Variants in PIK3C3 observed in about 807,000 individuals in gnomAD.
The protein encoded by PIK3C3 is phosphatidylinositol 3-kinase catalytic subunit type 3, also known as PI3-kinase type 3.
A neutral mutation model predicts 126.1 loss-of-function variants in PIK3C3; 95 were observed. The ratio of observed to expected loss-of-function variants is 0.75; its 90% CI spans 0.64 to 0.89. The LOEUF (loss-of-function observed/expected upper bound fraction) is 0.89, where lower values mean the gene tolerates loss of function less well. PIK3C3 is among the 40% of genes least tolerant of loss of function. PIK3C3 has a pLI of 0.00. For synonymous variants in PIK3C3, 374 were observed against 360.0 expected (o/e 1.04, Z -0.44); for missense variants, 829 against 1,063.2 (o/e 0.78, Z 3.06).
chr18:42,069,056 T>A (rs1370495701), intron 24 of PIK3C3, among the ~76,000 whole-genome samples: 1 of 152,104 alleles, frequency 6.6e-6, no homozygotes, highest in Admixed American at 6.6e-5. Flanking sequence ...AGTAGTGCAA[T>A]GCCTTATATA....
intron 19 of PIK3C3, among the ~76,000 whole-genome samples, chr18:42,042,103 C>T (rs1311179216): frequency 6.6e-6 from 1 of 152,178 alleles, no homozygotes; most frequent in African/African-American, 2.4e-5. Flanking sequence ...CACTTTCCTT[C>T]TGGGAGTCTG....
chr18:42,028,726 A>C (rs1166598250), intron 14 of PIK3C3, among the ~76,000 whole-genome samples: 1 of 152,168 alleles, frequency 6.6e-6, no homozygotes, highest in East Asian at 1.9e-4. Flanking sequence ...CTTTGAAATG[A>C]GGTTGATAAC....
rs147437649 is a variant in PIK3C3 at position 42,072,753 on chromosome 18, C to A, written c.2649+5240C>A. On this transcript the variant is annotated intron_variant, in intron 24 of 24. Coordinates refer to ENST00000262039, the MANE Select transcript of PIK3C3 (RefSeq NM_002647.4). ...GTCCGACTATGTTGCCCAAGCGGTT[C>A]TCAAACTCCTGGCCTCAAGCAATCC... Among the ~76,000 whole-genome samples the A allele has an allele frequency of 8.2e-3, 1,253 of 152,204 alleles. 15 individuals are homozygous for A. The highest frequency in any genetic ancestry group is 0.011 in the Non-Finnish European group (738 of 68,008).
rs188033909 is a variant in PIK3C3, at chr18:41,997,965, C to T, written c.984+1235C>T. On this transcript the variant is annotated intron_variant, in intron 9 of 24. Coordinates refer to ENST00000262039, the MANE Select transcript of PIK3C3 (RefSeq NM_002647.4). Reference sequence around the variant, plus strand: ...GGAAAATTAATATCTGTTCAGGAAGCTGTTACATATTTATTTGAGAATGAA... The same window carrying T: ...GGAAAATTAATATCTGTTCAGGAAGTTGTTACATATTTATTTGAGAATGAA... 3.2e-3 allele frequency among the ~76,000 whole-genome samples: 493 copies of T among 152,200 alleles called. 1 individual carries two copies. The highest frequency in any genetic ancestry group is 0.011 in the African/African-American group (466 of 41,548).
chr18:42,081,367 G>A lies in PIK3C3; in HGVS notation c.*230G>A. 1 of 396,330 alleles carries A rather than the reference G, an allele frequency of 2.5e-6. No homozygotes were observed. Among genetic ancestry groups the A allele is most frequent in the Non-Finnish European group, 4.6e-6 (1 of 219,298 alleles). The allele number at this position is 396,330 out of a possible 1,614,324, so 24.6% of individuals were successfully genotyped here. A position where few individuals can be genotyped will look rare whatever the true frequency, so the allele number is the denominator to read the frequency against. Reference sequence around the variant, plus strand: ...AAATATTGTATATATTTTTTCAAATGTATACATTGTTAATAAATTAAGAAA... The same window carrying A: ...AAATATTGTATATATTTTTTCAAATATATACATTGTTAATAAATTAAGAAA... On this transcript the variant is annotated 3_prime_UTR_variant, in exon 25 of 25. Coordinates refer to ENST00000262039, the MANE Select transcript of PIK3C3 (RefSeq NM_002647.4).
intron 18 of PIK3C3, among the ~76,000 whole-genome samples, chr18:42,040,253 C>T (rs1984250159): frequency 6.8e-6 from 1 of 147,086 alleles, no homozygotes; most frequent in South Asian, 2.1e-4. Flanking sequence ...GGAGCCATTA[C>T]ATAACAGTTT....
chr18:42,004,294 A>T lies in PIK3C3; in HGVS notation c.985-62A>T. On this transcript the variant is annotated intron_variant, in intron 9 of 24. Transcript: ENST00000262039. Reference sequence around the variant, plus strand: ...ATTAGGACCTAGTGGAACTCTGCCTAGTCAACTTCTCTATCCCAGGAAATA... The same window carrying T: ...ATTAGGACCTAGTGGAACTCTGCCTTGTCAACTTCTCTATCCCAGGAAATA... The T allele has an allele frequency of 3.9e-6, 5 of 1,288,042 alleles. No homozygotes were observed. In the South Asian group the frequency reaches 5.2e-5, roughly 13 times the overall value. The allele number at this position is 1,288,042 out of a possible 1,614,324, so 79.8% of individuals were successfully genotyped here.
At chr18:42,019,536 C>T (rs905961748) in intron 12 of PIK3C3, among the ~76,000 whole-genome samples, 2 of 152,080 alleles carry the variant, frequency 1.3e-5, no homozygotes, top group African/African-American at 4.8e-5. Flanking sequence ...TTAGGTGATA[C>T]TGTATATCTC....
At chr18:41,961,989 C>A (rs1017151794) in intron 2 of PIK3C3, among the ~76,000 whole-genome samples, 1 of 152,106 alleles carries the variant, frequency 6.6e-6, no homozygotes, top group Non-Finnish European at 1.5e-5. Flanking sequence ...ACATATCTGT[C>A]TGGAGCAGTC....
intron 24 of PIK3C3, among the ~76,000 whole-genome samples, chr18:42,068,729 T>C (rs187376860): frequency 6.4e-4 from 98 of 152,100 alleles, no homozygotes; most frequent in African/African-American, 2.3e-3. Flanking sequence ...GGAGGGTGTA[T>C]CACGAGATCA....
chr18:41,970,283 C>T, intron 3 of PIK3C3, 44 bp from the exon 4 acceptor site: 1 of 1,563,144 alleles, frequency 6.4e-7, no homozygotes, highest in Non-Finnish European at 8.8e-7. Context: ...CTGTAATGAA[C>T]TGTATTAATT....
chr18:42,065,769 A>G (rs556019157), intron 23 of PIK3C3, among the ~76,000 whole-genome samples: 37 of 152,310 alleles, frequency 2.4e-4, no homozygotes, highest in Admixed American at 3.9e-4. Context: ...TAAGTATTAG[A>G]ACAATTAGTG....
chr18:42,080,244 A>G (rs1986200738), intron 24 of PIK3C3, among the ~76,000 whole-genome samples: 1 of 152,124 alleles, frequency 6.6e-6, no homozygotes, highest in Admixed American at 6.5e-5. Flanking sequence ...AAATTACATT[A>G]TTTTTATTCA....
At position 41,959,367 on chromosome 18, in the gene PIK3C3, A is replaced by G. The variant is rs1479916054; in HGVS notation, c.257+1609A>G. On this transcript the variant is annotated intron_variant, in intron 2 of 24. Transcript: ENST00000262039. ...TTATATTATATGTTTGCAAGAATAT[A>G]AAAACTTCCATGTTTGATCTCTAAA... 2.6e-5 allele frequency among the ~76,000 whole-genome samples: 4 copies of G among 152,316 alleles called. No homozygotes were observed. The East Asian group carries it at 7.7e-4, about 29-fold the overall frequency.
At chr18:41,993,160 G>A in intron 6 of PIK3C3, 110 bp from the exon 7 acceptor site, 2 of 575,542 alleles carry the variant, frequency 3.5e-6, no homozygotes, top group Admixed American at 6.8e-5. Flanking sequence ...TCTTTAAAGG[G>A]AAGAATGATG....
intron 9 of PIK3C3, among the ~76,000 whole-genome samples, chr18:42,000,122 C>T (rs991726858): frequency 6.6e-6 from 1 of 152,142 alleles, no homozygotes; most frequent in Non-Finnish European, 1.5e-5. Context: ...GGCATGATCT[C>T]GGCTCACTGC....
At chr18:41,999,573 T>C (rs1023850424) in intron 9 of PIK3C3, among the ~76,000 whole-genome samples, 1 of 152,180 alleles carries the variant, frequency 6.6e-6, no homozygotes, top group Non-Finnish European at 1.5e-5. Flanking sequence ...TTATCACCTC[T>C]TGGCCTAGCA....
rs1980134449 is a variant in PIK3C3 at position 41,962,397 on chromosome 18, TC to T, written c.258-90del. The stretch of plus-strand genomic sequence containing the variant: ...GTCTAACAACATTTTTGGAACCTTT[TC>T]CTCTGGCCAAAACTTTTTGTGTGGT... On this transcript the variant is annotated intron_variant, in intron 2 of 24. Coordinates refer to ENST00000262039, the MANE Select transcript of PIK3C3 (RefSeq NM_002647.4). 2.8e-6 allele frequency: 3 copies of T among 1,079,768 alleles called. No individual in the cohort carries two copies. The East Asian group carries it at 9.0e-5, about 32-fold the overall frequency. 66.9% of individuals were successfully genotyped at this position (1,079,768 alleles called of 1,614,324 possible). A position where few individuals can be genotyped will look rare whatever the true frequency, so the allele number is the denominator to read the frequency against.
At chr18:42,044,492 G>A (rs1228454227) in intron 20 of PIK3C3, among the ~76,000 whole-genome samples, 1 of 151,624 alleles carries the variant, frequency 6.6e-6, no homozygotes, top group Non-Finnish European at 1.5e-5. Context: ...AGCTTACTGC[G>A]GCCTGGACCT....
Sources: gnomAD v4.1 joint callset for allele counts (sites outside exome capture counted in the v4.1 genomes callset) on GRCh38, gnomAD v4.1.1 for gene constraint, MANE v1.5 for transcripts, NCBI Gene and HGNC (gene_info 2026-07-23, HGNC 2026-07-21) for gene names.